B3GALT1: variants seen among roughly 807,000 people sequenced by gnomAD.
The protein encoded by B3GALT1 is beta-1,3-galactosyltransferase 1, also known as UDP-Gal:betaGlcNAc beta 1,3-galactosyltransferase, polypeptide 1.
In B3GALT1, 10 loss-of-function variants were observed where a neutral mutation model predicts 23.2. The ratio of observed to expected loss-of-function variants is 0.43; its 90% CI spans 0.27 to 0.73. B3GALT1 has a LOEUF of 0.73. Among genes scored for constraint, B3GALT1 ranks in the 30% least tolerant of loss-of-function variants. B3GALT1 has a pLI of 0.21. For missense variants in B3GALT1, 299 were observed against 405.4 expected, an observed-to-expected ratio of 0.74 and a Z score of 2.25; for synonymous variants, 156 against 141.5, an observed-to-expected ratio of 1.10 and a Z score of -0.73.
At chr2:167,401,448 C>T (rs1698187801) in intron 1 of B3GALT1, among the ~76,000 whole-genome samples, 1 of 152,064 alleles carries the variant, frequency 6.6e-6, no homozygotes, top group Non-Finnish European at 1.5e-5. Flanking sequence ...TTGAGATAGG[C>T]AGTGTTTCTC....
At chr2:167,481,973 A>C (rs902100344) in intron 1 of B3GALT1, among the ~76,000 whole-genome samples, 2 of 152,206 alleles carry the variant, frequency 1.3e-5, no homozygotes, top group African/African-American at 4.8e-5. Context: ...ATACAGAAAA[A>C]CAATGTATTT....
At chr2:167,657,864 C>G (rs1470948800) in intron 3 of B3GALT1, among the ~76,000 whole-genome samples, 2 of 151,986 alleles carry the variant, frequency 1.3e-5, no homozygotes, top group Non-Finnish European at 1.5e-5. Flanking sequence ...ATATGAGTCC[C>G]TCAAGTATTT....
At chr2:167,596,711 C>T (rs2105420200) in intron 2 of B3GALT1, among the ~76,000 whole-genome samples, 2 of 152,096 alleles carry the variant, frequency 1.3e-5, no homozygotes, top group South Asian at 4.2e-4. Flanking sequence ...AATAATAAAG[C>T]ATGCATTAAG....
chr2:167,817,160 A>C (rs1307531905), intron 3 of B3GALT1, among the ~76,000 whole-genome samples: 1 of 152,196 alleles, frequency 6.6e-6, no homozygotes, highest in East Asian at 1.9e-4. Context: ...TCTAAGTTCA[A>C]ACAAACACTG....
At chr2:167,510,407 GTTT>G (rs35191590) in intron 2 of B3GALT1, among the ~76,000 whole-genome samples, 183 of 111,120 alleles carry the variant, frequency 1.6e-3, no homozygotes, top group African/African-American at 4.9e-3. Context: ...TGCAAGTTTT[GTTT>G]TTTTTTTTTT....
At chr2:167,382,413 G>A (rs1419266616) in intron 1 of B3GALT1, among the ~76,000 whole-genome samples, 1 of 151,018 alleles carries the variant, frequency 6.6e-6, no homozygotes, top group Non-Finnish European at 1.5e-5. Context: ...GTTAAAAATT[G>A]TATTTGCACT....
intron 2 of B3GALT1, among the ~76,000 whole-genome samples, chr2:167,589,839 G>A (rs936135783): frequency 2.0e-5 from 3 of 151,894 alleles, no homozygotes; most frequent in Non-Finnish European, 4.4e-5. Context: ...CATTAGTATT[G>A]ACAGTTATAA....
intron 3 of B3GALT1, among the ~76,000 whole-genome samples, chr2:167,801,008 C>A (rs1352056330): frequency 1.3e-5 from 2 of 152,160 alleles, no homozygotes; most frequent in Non-Finnish European, 2.9e-5. Context: ...AGGGTTGTTT[C>A]TATTTGACAG....
chr2:167,302,029 T>A (rs906834451), intron 1 of B3GALT1, among the ~76,000 whole-genome samples: 2 of 152,122 alleles, frequency 1.3e-5, no homozygotes, highest in African/African-American at 4.8e-5. Flanking sequence ...TCAGAGACAT[T>A]TGTAGTAGTG....
At chr2:167,782,122 G>A (rs911441793) in intron 3 of B3GALT1, among the ~76,000 whole-genome samples, 4 of 152,152 alleles carry the variant, frequency 2.6e-5, no homozygotes, top group African/African-American at 4.8e-5. Context: ...AGAGCTGACA[G>A]CTAAAACTAC....
intron 1 of B3GALT1, among the ~76,000 whole-genome samples, chr2:167,434,376 A>G (rs570331679): frequency 6.6e-6 from 1 of 152,222 alleles, no homozygotes; most frequent in South Asian, 2.1e-4. Context: ...CCCATTCCCC[A>G]GTTTAAACAG....
chr2:167,763,160 A>G (rs1687922059), intron 3 of B3GALT1, among the ~76,000 whole-genome samples: 1 of 152,200 alleles, frequency 6.6e-6, no homozygotes, highest in African/African-American at 2.4e-5. Flanking sequence ...ACCTTTATGA[A>G]GTACCCAGAA....
intron 3 of B3GALT1, among the ~76,000 whole-genome samples, chr2:167,671,655 A>G (rs1410800304): frequency 6.6e-6 from 1 of 152,130 alleles, no homozygotes; most frequent in Non-Finnish European, 1.5e-5. Flanking sequence ...CCTAAGAGGA[A>G]AGTTCACAGT....
chr2:167,533,724 C>T (rs1174910837), intron 2 of B3GALT1, among the ~76,000 whole-genome samples: 1 of 152,134 alleles, frequency 6.6e-6, no homozygotes, highest in Non-Finnish European at 1.5e-5. Flanking sequence ...TTCAGATTCC[C>T]TTACGTTTTA....
intron 1 of B3GALT1, among the ~76,000 whole-genome samples, chr2:167,326,331 T>A (rs1696894416): frequency 6.6e-6 from 1 of 152,000 alleles, no homozygotes; most frequent in African/African-American, 2.4e-5. Context: ...ATATTCTGCA[T>A]ATTAGCCCCC....
chr2:167,297,567 T>G (rs1696371663), intron 1 of B3GALT1, among the ~76,000 whole-genome samples: 3 of 152,128 alleles, frequency 2.0e-5, no homozygotes, highest in Non-Finnish European at 2.9e-5. Flanking sequence ...CAATTACAGA[T>G]CAAACTTTGC....
At chr2:167,535,926 T>G (rs982431107) in intron 2 of B3GALT1, among the ~76,000 whole-genome samples, 2 of 152,088 alleles carry the variant, frequency 1.3e-5, no homozygotes, top group South Asian at 4.1e-4. Context: ...GATTTTTGTT[T>G]GTTTGTTTGT....
chr2:167,597,301 G>C (rs1179543312), intron 2 of B3GALT1, among the ~76,000 whole-genome samples: 1 of 151,868 alleles, frequency 6.6e-6, no homozygotes, highest in Non-Finnish European at 1.5e-5. Flanking sequence ...GTTTTCAGTA[G>C]AGACGGGGTT....
chr2:167,652,295 G>A (rs1363807532), intron 3 of B3GALT1, among the ~76,000 whole-genome samples: 1 of 152,274 alleles, frequency 6.6e-6, no homozygotes, highest in East Asian at 1.9e-4. Context: ...AGGCAGACAA[G>A]CTTGTTCTTG....
Sources: gnomAD v4.1 joint callset for allele counts (sites outside exome capture counted in the v4.1 genomes callset) on GRCh38, gnomAD v4.1.1 for gene constraint, MANE v1.5 for transcripts, NCBI Gene and HGNC (gene_info 2026-07-23, HGNC 2026-07-21) for gene names.